NRXN3: variants seen among roughly 807,000 people sequenced by gnomAD.
NRXN3 encodes the protein neurexin III.
In NRXN3, 32 loss-of-function variants were observed where a neutral mutation model predicts 137.6. That is an observed-to-expected ratio of 0.23 (90% CI 0.18 to 0.31). The LOEUF (loss-of-function observed/expected upper bound fraction) is 0.31. Among genes scored for constraint, NRXN3 ranks in the 10% least tolerant of loss-of-function variants. The pLI, the probability that NRXN3 is intolerant of heterozygous loss-of-function variation, is 1.00. For synonymous variants in NRXN3, 798 were observed against 784.5 expected (o/e 1.02, Z -0.29); for missense variants, 1,574 against 2,062.5 (o/e 0.76, Z 4.59).
chr14:78,532,188 G>A (rs2096472993), intron 4 of NRXN3, among the ~76,000 whole-genome samples: 1 of 151,130 alleles, frequency 6.6e-6, no homozygotes, highest in African/African-American at 2.4e-5. Flanking sequence ...GCGCGTGGTG[G>A]CACATGCCTG....
chr14:78,913,500 G>A (rs1026604446), intron 10 of NRXN3, among the ~76,000 whole-genome samples: 29 of 151,594 alleles, frequency 1.9e-4, no homozygotes, highest in African/African-American at 6.8e-4. Context: ...GGATGGTCTC[G>A]ATCTCTTGAC....
chr14:79,100,241 GA>G (rs1162678707), intron 15 of NRXN3, among the ~76,000 whole-genome samples: 1 of 152,164 alleles, frequency 6.6e-6, no homozygotes, highest in East Asian at 1.9e-4. Context: ...GTATGTATCT[GA>G]AAGAATGAGA....
intron 15 of NRXN3, among the ~76,000 whole-genome samples, chr14:79,302,471 G>A (rs1282529430): frequency 6.6e-6 from 1 of 151,926 alleles, no homozygotes; most frequent in Admixed American, 6.6e-5. Context: ...AGATAGGGGA[G>A]GAGTTGTCAG....
At chr14:79,299,262 A>G (rs2084730643) in intron 15 of NRXN3, among the ~76,000 whole-genome samples, 1 of 152,164 alleles carries the variant, frequency 6.6e-6, no homozygotes, top group South Asian at 2.1e-4. Context: ...GATCATGATA[A>G]AAGAATCACA....
intron 4 of NRXN3, among the ~76,000 whole-genome samples, chr14:78,586,737 C>T (rs917310818): frequency 1.3e-5 from 2 of 152,212 alleles, no homozygotes; most frequent in African/African-American, 4.8e-5. Context: ...CCAAGAGGAC[C>T]TTGAAGAAGA....
intron 4 of NRXN3, among the ~76,000 whole-genome samples, chr14:78,640,761 C>A (rs2097618539): frequency 6.6e-6 from 1 of 152,128 alleles, no homozygotes; most frequent in Non-Finnish European, 1.5e-5. Flanking sequence ...ATCAATTGGA[C>A]ACTTACAAAT....
intron 4 of NRXN3, among the ~76,000 whole-genome samples, chr14:78,391,175 G>A (rs762422467): frequency 6.6e-6 from 1 of 152,048 alleles, no homozygotes; most frequent in Non-Finnish European, 1.5e-5. Context: ...TGATTATCTT[G>A]TCACTGTTCC....
chr14:79,744,310 C>G (rs1282386607), intron 19 of NRXN3, among the ~76,000 whole-genome samples: 1 of 152,116 alleles, frequency 6.6e-6, no homozygotes, highest in Non-Finnish European at 1.5e-5. Context: ...CTAGTAGCCC[C>G]AAATACATTT....
intron 4 of NRXN3, among the ~76,000 whole-genome samples, chr14:78,330,103 C>T (rs1356819924): frequency 2.0e-5 from 3 of 152,132 alleles, no homozygotes; most frequent in Non-Finnish European, 4.4e-5. Flanking sequence ...GGTTTCTGTA[C>T]TCCTAGTGAC....
chr14:79,510,079 A>C (rs1033106928), intron 16 of NRXN3, among the ~76,000 whole-genome samples: 1 of 152,198 alleles, frequency 6.6e-6, no homozygotes, highest in Non-Finnish European at 1.5e-5. Context: ...TGACCAAACC[A>C]AAACACGTGC....
intron 15 of NRXN3, among the ~76,000 whole-genome samples, chr14:79,375,558 A>G (rs993726995): frequency 6.6e-5 from 10 of 152,088 alleles, no homozygotes; most frequent in Admixed American, 6.5e-4. Flanking sequence ...GATACACATC[A>G]GTGGGCATGC....
At chr14:79,317,611 A>T (rs1218718411) in intron 15 of NRXN3, among the ~76,000 whole-genome samples, 1 of 152,142 alleles carries the variant, frequency 6.6e-6, no homozygotes, top group East Asian at 1.9e-4. Context: ...GACACAATTC[A>T]ACTCAGGACA....
At chr14:78,544,845 G>T (rs975683071) in intron 4 of NRXN3, among the ~76,000 whole-genome samples, 1 of 152,200 alleles carries the variant, frequency 6.6e-6, no homozygotes, top group African/African-American at 2.4e-5. Flanking sequence ...CTTGCAACTT[G>T]TTCCATCTAC....
intron 4 of NRXN3, among the ~76,000 whole-genome samples, chr14:78,421,896 A>G (rs918396356): frequency 6.6e-6 from 1 of 152,060 alleles, no homozygotes; most frequent in African/African-American, 2.4e-5. Flanking sequence ...CTTTGCAACC[A>G]TAAAAAAAAA....
intron 15 of NRXN3, among the ~76,000 whole-genome samples, chr14:79,434,608 C>T (rs755768789): frequency 6.6e-6 from 1 of 152,180 alleles, no homozygotes; most frequent in Non-Finnish European, 1.5e-5. Flanking sequence ...GCAAATGAAT[C>T]GCAAAGCGTG....
intron 15 of NRXN3, among the ~76,000 whole-genome samples, chr14:79,090,704 C>T (rs995831197): frequency 6.6e-6 from 1 of 152,082 alleles, no homozygotes; most frequent in Non-Finnish European, 1.5e-5. Context: ...AACTCTCCAG[C>T]CTCTTTAGAA....
intron 4 of NRXN3, among the ~76,000 whole-genome samples, chr14:78,602,267 C>CTTTTTTTTTTTTTTTTTTTTTTTTT (rs370669288): frequency 1.7e-5 from 2 of 115,262 alleles, no homozygotes; most frequent in African/African-American, 7.3e-5. Flanking sequence ...TCACATTAGC[C>CTTTTTTTTTTTTTTTTTTTTTTTTT]TTTTTTTTTT....
intron 10 of NRXN3, among the ~76,000 whole-genome samples, chr14:78,886,311 A>G (rs1358899552): frequency 2.0e-5 from 3 of 152,140 alleles, no homozygotes; most frequent in Non-Finnish European, 2.9e-5. Context: ...ACTGAACAGT[A>G]TGTGTTCATT....
intron 20 of NRXN3, among the ~76,000 whole-genome samples, chr14:79,845,355 G>GT (rs1284507080): frequency 6.6e-6 from 1 of 152,240 alleles, no homozygotes; most frequent in Non-Finnish European, 1.5e-5. Flanking sequence ...AAAAGGCCTA[G>GT]TTTTTGGCCT....
Sources: allele counts gnomAD v4.1 joint callset (sites outside exome capture counted in the v4.1 genomes callset), GRCh38; gene constraint gnomAD v4.1.1; transcripts MANE v1.5; gene names NCBI Gene and HGNC (gene_info 2026-07-23, HGNC 2026-07-21).